DPP10: variants seen among roughly 807,000 people sequenced by gnomAD.
DPP10 encodes inactive dipeptidyl peptidase 10.
Under a neutral mutation model 120.9 loss-of-function variants are expected in DPP10, and 33 were observed. The observed-to-expected ratio is 0.27, with a 90% CI of 0.21 to 0.37. The LOEUF (loss-of-function observed/expected upper bound fraction) is 0.37, where lower values mean the gene tolerates loss of function less well. Ranked by LOEUF, DPP10 falls within the 10% of genes least tolerant of loss-of-function variation. The pLI, the probability that DPP10 is intolerant of heterozygous loss-of-function variation, is 1.00. For synonymous variants in DPP10, 337 were observed against 326.1 expected, an observed-to-expected ratio of 1.03 and a Z score of -0.36; for missense variants, 816 against 942.8, an observed-to-expected ratio of 0.87 and a Z score of 1.76.
intron 1 of DPP10, among the ~76,000 whole-genome samples, chr2:114,844,621 C>G (rs1688406033): frequency 6.6e-6 from 1 of 151,916 alleles, no homozygotes; most frequent in African/African-American, 2.4e-5. Context: ...TTTAGAGCAT[C>G]TAGGAACATC....
chr2:114,465,727 T>A (rs1178409047), intron 1 of DPP10, among the ~76,000 whole-genome samples: 1 of 152,226 alleles, frequency 6.6e-6, no homozygotes, highest in Non-Finnish European at 1.5e-5. Context: ...GTTATAATAA[T>A]TGTACACATT....
chr2:115,608,299 A>C (rs1041704768), intron 5 of DPP10, among the ~76,000 whole-genome samples: 3 of 152,140 alleles, frequency 2.0e-5, no homozygotes, highest in Non-Finnish European at 4.4e-5. Flanking sequence ...CGGAGGCGTG[A>C]GAATTGCTTG....
chr2:115,590,273 T>G (rs545786742), intron 5 of DPP10, among the ~76,000 whole-genome samples: 1 of 152,008 alleles, frequency 6.6e-6, no homozygotes, highest in African/African-American at 2.4e-5. Context: ...ACCTGTTACC[T>G]CGTCATTTAC....
intron 1 of DPP10, among the ~76,000 whole-genome samples, chr2:114,697,593 A>G (rs935244867): frequency 2.6e-5 from 4 of 151,906 alleles, no homozygotes; most frequent in African/African-American, 9.7e-5. Flanking sequence ...TACCAAAAAT[A>G]TAATAAATTA....
At chr2:115,316,693 T>C (rs1199023056) in intron 2 of DPP10, among the ~76,000 whole-genome samples, 1 of 152,216 alleles carries the variant, frequency 6.6e-6, no homozygotes, top group Non-Finnish European at 1.5e-5. Context: ...TATACAACTT[T>C]AATAGTTTGT....
At chr2:115,393,104 G>A (rs1476903784) in intron 3 of DPP10, among the ~76,000 whole-genome samples, 1 of 152,100 alleles carries the variant, frequency 6.6e-6, no homozygotes, top group Admixed American at 6.6e-5. Context: ...CTTGAGGCCA[G>A]GAGTTTGAGA....
chr2:114,596,027 G>A (rs923064467), intron 1 of DPP10, among the ~76,000 whole-genome samples: 8 of 152,020 alleles, frequency 5.3e-5, no homozygotes, highest in African/African-American at 1.9e-4. Flanking sequence ...TGCCTTTTTA[G>A]GAAGCTAAGA....
intron 5 of DPP10, among the ~76,000 whole-genome samples, chr2:115,638,096 T>C (rs2086499020): frequency 6.6e-6 from 1 of 152,242 alleles, no homozygotes; most frequent in African/African-American, 2.4e-5. Flanking sequence ...TCTAGAATTA[T>C]GCACTTTCAT....
At chr2:115,758,929 T>A (rs149052141) in intron 11 of DPP10, among the ~76,000 whole-genome samples, 3 of 152,138 alleles carry the variant, frequency 2.0e-5, no homozygotes, top group Admixed American at 2.0e-4. Flanking sequence ...TAAAATCAAT[T>A]TGGGATAAAT....
At chr2:115,086,217 A>G (rs1573554976) in intron 1 of DPP10, among the ~76,000 whole-genome samples, 1 of 152,154 alleles carries the variant, frequency 6.6e-6, no homozygotes, top group Non-Finnish European at 1.5e-5. Flanking sequence ...AATAGGAAAC[A>G]TTTGTCATCT....
chr2:115,705,709 G>C (rs2092075718), intron 7 of DPP10, among the ~76,000 whole-genome samples: 1 of 151,794 alleles, frequency 6.6e-6, no homozygotes, highest in African/African-American at 2.4e-5. Flanking sequence ...TTTTGTTGTT[G>C]TTTACCTCAT....
intron 1 of DPP10, among the ~76,000 whole-genome samples, chr2:114,854,227 A>G (rs1035760002): frequency 2.0e-5 from 3 of 152,206 alleles, no homozygotes; most frequent in African/African-American, 7.2e-5. Context: ...TAGAAGAGAT[A>G]TATTTGTAAA....
intron 3 of DPP10, among the ~76,000 whole-genome samples, chr2:115,401,141 C>G (rs1172404539): frequency 1.3e-5 from 2 of 152,180 alleles, no homozygotes; most frequent in African/African-American, 4.8e-5. Context: ...ATTTGAGAAA[C>G]AGAAGCTGAG....
At chr2:115,344,186 G>A (rs1266579251) in intron 3 of DPP10, among the ~76,000 whole-genome samples, 5 of 149,096 alleles carry the variant, frequency 3.4e-5, no homozygotes, top group Non-Finnish European at 7.4e-5. Context: ...TTAATTGAAA[G>A]TGTACTTCAA....
chr2:114,442,959 G>A, intron 1 of DPP10, 121 bp downstream of exon 1: 1 of 1,252,954 alleles, frequency 8.0e-7, no homozygotes, highest in Non-Finnish European at 1.1e-6. Flanking sequence ...AGTTTGAATT[G>A]AAGGTTGAGT....
chr2:114,869,067 G>A (rs1448411427), intron 1 of DPP10, among the ~76,000 whole-genome samples: 1 of 152,126 alleles, frequency 6.6e-6, no homozygotes, highest in Non-Finnish European at 1.5e-5. Flanking sequence ...TTGGATTAAA[G>A]GGTTGGTTTT....
chr2:115,281,986 A>G lies in DPP10; in HGVS notation c.61-27253A>G, dbSNP rs192073034. On this transcript the variant is annotated intron_variant, in intron 1 of 25. Transcript: ENST00000410059. ...TTACTGTTGTTGTTATTATTATTAC[A>G]TTTGTAAAATGCAATTGGAGTATAT... is the stretch of plus-strand genomic sequence containing the variant. 3.3e-5 allele frequency among the ~76,000 whole-genome samples: 5 copies of G among 152,204 alleles called. 1 individual carries two copies. The highest frequency in any genetic ancestry group is 1.5e-5 in the Non-Finnish European group (1 of 67,970).
chr2:114,928,931 C>T (rs984928488), intron 1 of DPP10, among the ~76,000 whole-genome samples: 13 of 152,278 alleles, frequency 8.5e-5, no homozygotes, highest in East Asian at 3.9e-4. Flanking sequence ...CAGGAGCTAT[C>T]GGGGGAACCA....
At chr2:114,567,587 A>C (rs1030040206) in intron 1 of DPP10, among the ~76,000 whole-genome samples, 7 of 152,202 alleles carry the variant, frequency 4.6e-5, no homozygotes, top group Admixed American at 1.3e-4. Flanking sequence ...CCAGCCTGTG[A>C]CATAATAAAA....
Sources: allele counts gnomAD v4.1 joint callset (sites outside exome capture counted in the v4.1 genomes callset), GRCh38; gene constraint gnomAD v4.1.1; transcripts MANE v1.5; gene names NCBI Gene and HGNC (gene_info 2026-07-23, HGNC 2026-07-21).